Variants in SLC7A2 observed in about 807,000 individuals in gnomAD.
SLC7A2 encodes the protein solute carrier family 7 member 2.
Under a neutral mutation model 58.9 loss-of-function variants are expected in SLC7A2, and 48 were observed. The observed-to-expected ratio is 0.82, with a 90% CI of 0.65 to 1.04. SLC7A2 has a LOEUF of 1.04. Among genes scored for constraint, SLC7A2 ranks in the 50% least tolerant of loss-of-function variants. The pLI is 0.00. For missense variants in SLC7A2, 1,029 were observed against 818.8 expected, an observed-to-expected ratio of 1.26 and a Z score of -3.13; for synonymous variants, 363 against 314.5, an observed-to-expected ratio of 1.15 and a Z score of -1.63.
At chr8:17,547,762 T>TTA (rs1303365737) in intron 4 of SLC7A2, among the ~76,000 whole-genome samples, 1 of 148,732 alleles carries the variant, frequency 6.7e-6, no homozygotes, top group African/African-American at 2.5e-5. Flanking sequence ...AAAAATGAGA[T>TTA]TATATATTTA....
intron 1 of SLC7A2, among the ~76,000 whole-genome samples, chr8:17,497,918 C>A (rs1289120302): frequency 6.6e-6 from 1 of 152,206 alleles, no homozygotes; most frequent in Non-Finnish European, 1.5e-5. Flanking sequence ...CAACCCATCA[C>A]CCCAGAGTAC....
upstream of SLC7A2, among the ~76,000 whole-genome samples, chr8:17,494,529 G>C (rs968060118): frequency 6.6e-6 from 1 of 152,188 alleles, no homozygotes; most frequent in Non-Finnish European, 1.5e-5. Context: ...CTGGGAAAAA[G>C]ATGCTAATTC....
At chr8:17,519,771 A>G (rs1800941038) in intron 2 of SLC7A2, among the ~76,000 whole-genome samples, 1 of 152,190 alleles carries the variant, frequency 6.6e-6, no homozygotes, top group African/African-American at 2.4e-5. Context: ...TTCTGAATAA[A>G]GGTGGCCAGG....
chr8:17,550,698 A>G (rs543531478), intron 6 of SLC7A2, among the ~76,000 whole-genome samples: 1 of 152,214 alleles, frequency 6.6e-6, no homozygotes, highest in Non-Finnish European at 1.5e-5. Context: ...CATATGAAAA[A>G]TACTTTGCCA....
At position 17,565,027 on chromosome 8, in the gene SLC7A2, G is replaced by A. The variant is rs1250202085; in HGVS notation, c.1858G>A (p.Ala620Thr). 1.2e-6 allele frequency: 2 copies of A among 1,613,714 alleles called. No individual in the cohort carries two copies. The highest frequency in any genetic ancestry group is 2.7e-5 in the African/African-American group (2 of 74,878). The change falls in exon 13 of 13, where the codon GCT becomes ACT. Residue 620 changes from alanine (A) to threonine (T), a missense_variant. Ala to Thr is a moderately conservative substitution (Grantham distance 58, BLOSUM62 0). Coordinates refer to ENST00000494857, the MANE Select transcript of SLC7A2 (RefSeq NM_001370338.1). The part of the protein sequence containing the change: ...HLRDENNEED[A>T]YPDNVHAAAE... ...GAGAGATGAAAACAATGAAGAAGAT[G>A]CTTATCCAGACAACGTTCATGCAGC...
At chr8:17,558,198 C>T (rs1431365219) in intron 8 of SLC7A2, 97 bp from the exon 9 acceptor site, 14 of 735,496 alleles carry the variant, frequency 1.9e-5, no homozygotes, top group Non-Finnish European at 2.9e-5. Context: ...GGTACTAAAA[C>T]GAAGTGGCAG....
intron 2 of SLC7A2, among the ~76,000 whole-genome samples, chr8:17,533,576 C>T (rs1004141435): frequency 2.0e-5 from 3 of 152,158 alleles, no homozygotes; most frequent in Non-Finnish European, 4.4e-5. Context: ...CTTTGGCTCT[C>T]TTTGGAAAGA....
intron 2 of SLC7A2, among the ~76,000 whole-genome samples, chr8:17,527,433 C>A (rs540401832): frequency 4.3e-4 from 65 of 152,246 alleles, no homozygotes; most frequent in Non-Finnish European, 7.3e-4. Flanking sequence ...TTTCAAGAAA[C>A]GTGTAATCTA....
intron 2 of SLC7A2, among the ~76,000 whole-genome samples, chr8:17,537,984 C>G (rs573141874): frequency 2.2e-4 from 34 of 152,256 alleles, no homozygotes; most frequent in African/African-American, 8.2e-4. Context: ...TGCCTTATTC[C>G]CACTGTGATG....
intron 2 of SLC7A2, among the ~76,000 whole-genome samples, chr8:17,521,500 G>GT (rs1801014304): frequency 6.6e-6 from 1 of 152,294 alleles, no homozygotes; most frequent in Admixed American, 6.5e-5. Context: ...GAGTTCTGAT[G>GT]TTTCATTCAC....
In SLC7A2 at chr8:17,544,422, C is replaced by G. The variant is rs528877768; in HGVS notation, c.377-29C>G. ...TGCTACTTTAATTTGCCCCCAGTGA[C>G]TTCGTATTCTCTGTTCTGTTTTGGG... On this transcript the variant is annotated intron_variant, in intron 3 of 12. Coordinates refer to ENST00000494857, the MANE Select transcript of SLC7A2 (RefSeq NM_001370338.1). The G allele has an allele frequency of 3.7e-6, 6 of 1,602,954 alleles. No individual in the cohort carries two copies. The South Asian group carries it at 4.5e-5, about 12-fold the overall frequency.
intron 8 of SLC7A2, 114 bp from the exon 9 acceptor site, chr8:17,558,181 T>A: frequency 1.5e-6 from 1 of 673,974 alleles, no homozygotes; most frequent in Non-Finnish European, 2.7e-6. Flanking sequence ...CTGGTTGACT[T>A]ATCCTTGGTA....
At chr8:17,505,659 A>T (rs906393844) in intron 2 of SLC7A2, among the ~76,000 whole-genome samples, 13 of 152,166 alleles carry the variant, frequency 8.5e-5, no homozygotes, top group Non-Finnish European at 1.9e-4. Flanking sequence ...AGTATTTGTA[A>T]ATGTCTGACA....
chr8:17,502,013 T>G (rs1275636808), intron 1 of SLC7A2, among the ~76,000 whole-genome samples: 1 of 152,098 alleles, frequency 6.6e-6, no homozygotes, highest in Non-Finnish European at 1.5e-5. Flanking sequence ...GAAAATTCTC[T>G]TCTTTCCTTA....
chr8:17,501,962 G>C (rs1000396469), intron 1 of SLC7A2, among the ~76,000 whole-genome samples: 1 of 151,460 alleles, frequency 6.6e-6, no homozygotes, highest in African/African-American at 2.4e-5. Flanking sequence ...GAATTTGTAT[G>C]TCCCTTGTTG....
chr8:17,499,023 G>A (rs12681519), intron 1 of SLC7A2: 102,248 of 151,802 alleles, frequency 0.67, 35,459 homozygotes, highest in Admixed American at 0.76. Flanking sequence ...TGCACTGCAA[G>A]CACACTCACC....
In SLC7A2 at chr8:17,554,022, A is replaced by G. The variant is rs112019505; in HGVS notation, c.1056-538A>G. Among the ~76,000 whole-genome samples, 1,497 of 152,256 alleles carry G rather than the reference A, an allele frequency of 9.8e-3. 8 individuals are homozygous for G. Among genetic ancestry groups the G allele is most frequent in the Non-Finnish European group, 0.018 (1,245 of 68,016 alleles). On this transcript the variant is annotated intron_variant, in intron 7 of 12. Coordinates refer to ENST00000494857, the MANE Select transcript of SLC7A2 (RefSeq NM_001370338.1). Reference sequence around the variant, plus strand: ...TCCCTTCTTCTACCTTGATTATCTTATGATGCTGGGGATTATTACTAACTT... The same window carrying G: ...TCCCTTCTTCTACCTTGATTATCTTGTGATGCTGGGGATTATTACTAACTT...
At position 17,567,650 on chromosome 8, in the gene SLC7A2, G is replaced by A. The variant is rs2150794999; in HGVS notation, c.*2504G>A. 6.6e-6 allele frequency: 1 copy of A among 152,630 alleles called. No individual in the cohort carries two copies. The highest frequency in any genetic ancestry group is 2.4e-5 in the African/African-American group (1 of 41,528). 9.5% of individuals were successfully genotyped at this position (152,630 alleles called of 1,614,324 possible). ...GTGGGCTTTGACTATGTCATTAGGT[G>A]GGTACAAAACCCAACTGATGTGGAG... On this transcript the variant is annotated 3_prime_UTR_variant, in exon 13 of 13. Coordinates refer to ENST00000494857, the MANE Select transcript of SLC7A2 (RefSeq NM_001370338.1).
At chr8:17,558,907 A>G (rs1563481637) in intron 9 of SLC7A2, among the ~76,000 whole-genome samples, 1 of 152,230 alleles carries the variant, frequency 6.6e-6, no homozygotes, top group Non-Finnish European at 1.5e-5. Flanking sequence ...TCAGGATATA[A>G]AACTATAGTT....
Sources: gnomAD v4.1 joint callset for allele counts (sites outside exome capture counted in the v4.1 genomes callset) on GRCh38, gnomAD v4.1.1 for gene constraint, MANE v1.5 for transcripts, NCBI Gene and HGNC (gene_info 2026-07-23, HGNC 2026-07-21) for gene names.